Variants in KCNMA1 observed in about 807,000 individuals in gnomAD.
KCNMA1 encodes Calcium-activated potassium channel subunit alpha-1.
Under a neutral mutation model 140.0 loss-of-function variants are expected in KCNMA1, and 29 were observed. That is an observed-to-expected ratio of 0.21 (90% CI 0.15 to 0.28). The LOEUF is 0.28. Among genes scored for constraint, KCNMA1 ranks in the 10% least tolerant of loss-of-function variants. The pLI, the probability that KCNMA1 is intolerant of heterozygous loss-of-function variation, is 1.00. For missense variants in KCNMA1, 880 were observed against 1,602.2 expected, an observed-to-expected ratio of 0.55 and a Z score of 7.70; for synonymous variants, 612 against 611.9, an observed-to-expected ratio of 1.00 and a Z score of 0.00.
intron 2 of KCNMA1, among the ~76,000 whole-genome samples, chr10:77,367,784 A>G (rs2094454924): frequency 1.3e-5 from 2 of 152,228 alleles, no homozygotes; most frequent in Non-Finnish European, 2.9e-5. Context: ...AGGAAGTAAC[A>G]TAAATGAAAT....
chr10:76,895,613 G>T (rs2042140870), intron 25 of KCNMA1, among the ~76,000 whole-genome samples: 1 of 152,198 alleles, frequency 6.6e-6, no homozygotes, highest in African/African-American at 2.4e-5. Context: ...CCGTAAAAAA[G>T]AGTGATGCAA....
At chr10:77,406,392 A>T (rs991060842) in intron 1 of KCNMA1, among the ~76,000 whole-genome samples, 1 of 152,102 alleles carries the variant, frequency 6.6e-6, no homozygotes. Flanking sequence ...AGCACAAAAC[A>T]CAGGTTCAAG....
At chr10:76,901,839 G>T (rs1033798327) in intron 25 of KCNMA1, 7 of 152,234 alleles carry the variant, frequency 4.6e-5, no homozygotes, top group Admixed American at 3.9e-4. Context: ...AGCAGAATCT[G>T]TGATGACAGA....
At chr10:76,991,708 T>C (rs1379748536) in intron 19 of KCNMA1, among the ~76,000 whole-genome samples, 3 of 152,140 alleles carry the variant, frequency 2.0e-5, no homozygotes, top group Non-Finnish European at 4.4e-5. Flanking sequence ...CTTGCCAATA[T>C]AGGAAGCCCA....
chr10:77,163,523 C>A (rs186664283), intron 5 of KCNMA1, among the ~76,000 whole-genome samples: 1 of 152,204 alleles, frequency 6.6e-6, no homozygotes, highest in East Asian at 1.9e-4. Flanking sequence ...ATCTCCCATG[C>A]GTGCAGTGCT....
chr10:76,951,623 C>A (rs906102006), intron 21 of KCNMA1, among the ~76,000 whole-genome samples: 7 of 152,188 alleles, frequency 4.6e-5, no homozygotes, highest in African/African-American at 1.7e-4. Context: ...AGTGGGTACA[C>A]AACCTCAAAG....
At chr10:77,604,890 C>G (rs1362675884) in intron 1 of KCNMA1, among the ~76,000 whole-genome samples, 1 of 152,218 alleles carries the variant, frequency 6.6e-6, no homozygotes, top group Non-Finnish European at 1.5e-5. Context: ...CACCCTCCCC[C>G]ACCCCTTCCT....
chr10:77,289,693 T>C (rs934155788), intron 2 of KCNMA1, among the ~76,000 whole-genome samples: 1 of 152,216 alleles, frequency 6.6e-6, no homozygotes, highest in African/African-American at 2.4e-5. Flanking sequence ...GCTATTTCAA[T>C]ATAACACTAA....
chr10:76,941,018 GAAGAAAGAAAGA>G (rs758943097), intron 23 of KCNMA1, among the ~76,000 whole-genome samples: 14 of 38,240 alleles, frequency 3.7e-4, no homozygotes, highest in Non-Finnish European at 4.7e-5. Context: ...AGGAAGGAAG[GAAGAAAGAAAGA>G]AAGAAAGAAA....
chr10:77,420,157 G>C (rs1000019121), intron 1 of KCNMA1, among the ~76,000 whole-genome samples: 5 of 152,226 alleles, frequency 3.3e-5, no homozygotes, highest in African/African-American at 1.2e-4. Context: ...GTAACTCATG[G>C]TCCCAGCACA....
chr10:77,104,611 C>T (rs1191731159), intron 9 of KCNMA1, among the ~76,000 whole-genome samples: 1 of 152,212 alleles, frequency 6.6e-6, no homozygotes, highest in Admixed American at 6.5e-5. Context: ...TCACTCAAGT[C>T]CCAACATGGG....
chr10:77,269,861 C>A (rs778860684), intron 2 of KCNMA1, among the ~76,000 whole-genome samples: 4 of 152,178 alleles, frequency 2.6e-5, no homozygotes, highest in Non-Finnish European at 4.4e-5. Context: ...CAAACCCACA[C>A]CTCTCCTTGA....
intron 14 of KCNMA1, among the ~76,000 whole-genome samples, chr10:77,055,448 T>TTCCC (rs1451470793): frequency 2.0e-4 from 30 of 151,708 alleles, no homozygotes; most frequent in Admixed American, 4.6e-4. Flanking sequence ...ATCACTGTTT[T>TTCCC]TCCCTCCCTC....
At position 76,885,924 on chromosome 10, in the gene KCNMA1, A is replaced by G. The variant is rs1589509802; in HGVS notation, c.*1342T>C. On this transcript the variant is annotated 3_prime_UTR_variant, in exon 28 of 28. Transcript: ENST00000286628. ...GCACTCTTCTTATCCCACGTCTCAT[A>G]ATGACAAGGAGCAGCTCTCTATTGC... 1.0e-6 allele frequency: 1 copy of G among 985,422 alleles called. No individual in the cohort carries two copies. Among genetic ancestry groups the G allele is most frequent in the Middle Eastern group, 5.2e-4 (1 of 1,914 alleles). 61.0% of individuals were successfully genotyped at this position (985,422 alleles called of 1,614,324 possible).
intron 1 of KCNMA1, among the ~76,000 whole-genome samples, chr10:77,444,523 T>C (rs2097483431): frequency 6.6e-6 from 1 of 152,224 alleles, no homozygotes. Flanking sequence ...AGCTCACTTG[T>C]AGCCACTTTA....
chr10:77,360,999 G>A (rs534255126), intron 2 of KCNMA1, among the ~76,000 whole-genome samples: 6 of 152,166 alleles, frequency 3.9e-5, no homozygotes, highest in South Asian at 2.1e-4. Context: ...AAGGTGTCCC[G>A]GTGGGCACAG....
chr10:77,056,051 A>G (rs892437202), intron 14 of KCNMA1, among the ~76,000 whole-genome samples: 7 of 152,092 alleles, frequency 4.6e-5, no homozygotes, highest in Admixed American at 2.0e-4. Context: ...TGAAGTCACA[A>G]CCCATAGAAG....
intron 1 of KCNMA1, among the ~76,000 whole-genome samples, chr10:77,430,000 A>G (rs1357386886): frequency 1.3e-5 from 2 of 152,166 alleles, no homozygotes; most frequent in Admixed American, 1.3e-4. Flanking sequence ...AGAAGATACA[A>G]GATACAAGAA....
chr10:77,129,704 A>T (rs560039441), intron 5 of KCNMA1, among the ~76,000 whole-genome samples: 1 of 152,260 alleles, frequency 6.6e-6, no homozygotes, highest in South Asian at 2.1e-4. Flanking sequence ...ATATGAAAAA[A>T]AATTTTAAAA....
Sources: allele counts gnomAD v4.1 joint callset (sites outside exome capture counted in the v4.1 genomes callset), GRCh38; gene constraint gnomAD v4.1.1; transcripts MANE v1.5; gene names NCBI Gene and HGNC (gene_info 2026-07-23, HGNC 2026-07-21).